AKAP6: variants seen among roughly 807,000 people sequenced by gnomAD.
AKAP6 encodes A-kinase anchoring protein 6, also known as A-kinase anchor protein 6.
A neutral mutation model predicts 188.5 loss-of-function variants in AKAP6; 58 were observed. The observed-to-expected ratio is 0.31, with a 90% CI of 0.25 to 0.38. The LOEUF (loss-of-function observed/expected upper bound fraction) is 0.38, where lower values mean the gene tolerates loss of function less well. Among genes scored for constraint, AKAP6 ranks in the 10% least tolerant of loss-of-function variants. The pLI, the probability that AKAP6 is intolerant of heterozygous loss-of-function variation, is 1.00. For synonymous variants in AKAP6, 989 were observed against 998.6 expected (o/e 0.99, Z 0.18); for missense variants, 2,710 against 2,740.0 (o/e 0.99, Z 0.24).
intron 2 of AKAP6, among the ~76,000 whole-genome samples, chr14:32,472,189 A>G (rs1878818062): frequency 2.0e-5 from 3 of 152,042 alleles, no homozygotes; most frequent in South Asian, 2.1e-4. Context: ...TCCTACCCAG[A>G]ACTCTAAAGT....
At chr14:32,368,856 A>G (rs1887917308) in intron 1 of AKAP6, among the ~76,000 whole-genome samples, 1 of 150,774 alleles carries the variant, frequency 6.6e-6, no homozygotes, top group Non-Finnish European at 1.5e-5. Flanking sequence ...TGAAACTTAT[A>G]GTTTAGTGGA....
At chr14:32,512,968 T>C (rs893064773) in intron 2 of AKAP6, among the ~76,000 whole-genome samples, 1 of 152,200 alleles carries the variant, frequency 6.6e-6, no homozygotes, top group Non-Finnish European at 1.5e-5. Context: ...CTAAGGAATT[T>C]TGAAGGACTG....
chr14:32,821,616 A>G lies in AKAP6; in HGVS notation c.3803A>G (p.His1268Arg), dbSNP rs767357103. Reference protein sequence around the residue: ...DPGYDEEADNHGGSQYASNIT... With the variant: ...DPGYDEEADNRGGSQYASNIT... Reference sequence around the variant, plus strand: ...GGTTATGACGAGGAGGCTGATAACCATGGGGGATCTCAGTATGCCTCAAAT... The same window carrying G: ...GGTTATGACGAGGAGGCTGATAACCGTGGGGGATCTCAGTATGCCTCAAAT... Residue 1268 changes from histidine to arginine, a missense_variant, in exon 13 of 14, where the codon CAT (histidine) becomes CGT (arginine). Physicochemically the swap from His to Arg is conservative, Grantham distance 29. Around this residue, in one of 2 missense-constraint regions of AKAP6, gnomAD observed 2,473 missense variants for 2,426.1 expected, o/e 1.02. Coordinates refer to ENST00000280979, the MANE Select transcript of AKAP6 (RefSeq NM_004274.5). The G allele has an allele frequency of 2.5e-6, 4 of 1,613,808 alleles. 1 individual carries two copies. The South Asian group carries it at 3.3e-5, about 13-fold the overall frequency.
chr14:32,660,173 G>A (rs948821287), intron 7 of AKAP6, among the ~76,000 whole-genome samples: 1 of 152,130 alleles, frequency 6.6e-6, no homozygotes, highest in Admixed American at 6.6e-5. Context: ...CATATTTCAT[G>A]TCACACCGGT....
rs983452601 is a variant in AKAP6 at position 32,545,328 on chromosome 14, C to T, written c.675C>T (p.Phe225=). 30 of 1,613,992 alleles carry T rather than the reference C, an allele frequency of 1.9e-5. No individual in the cohort carries two copies. Among genetic ancestry groups the T allele is most frequent in the East Asian group, 2.2e-5 (1 of 44,890 alleles). ...YLSLDCGITA[F]ELSDYSPSED... ...CTCTGGATTGTGGCATTACTGCATT[C>T]GAACTGTCTGACTACAGTCCAAGTG... Residue 225 remains phenylalanine (F), a synonymous_variant, in exon 4 of 14, where the codon TTC becomes TTT. Transcript: ENST00000280979.
At chr14:32,558,217 A>G (rs759016466) in intron 4 of AKAP6, among the ~76,000 whole-genome samples, 1 of 152,212 alleles carries the variant, frequency 6.6e-6, no homozygotes, top group Admixed American at 6.5e-5. Flanking sequence ...TAATTATTAA[A>G]CAAAAAGTAT....
intron 1 of AKAP6, among the ~76,000 whole-genome samples, chr14:32,414,567 A>G (rs1299357766): frequency 2.0e-5 from 3 of 152,180 alleles, no homozygotes; most frequent in Non-Finnish European, 2.9e-5. Flanking sequence ...AGCTCACCTT[A>G]TGAAATTTTA....
intron 11 of AKAP6, among the ~76,000 whole-genome samples, chr14:32,744,295 CT>C (rs112824428): frequency 2.7e-5 from 4 of 150,900 alleles, no homozygotes; most frequent in East Asian, 1.9e-4. Flanking sequence ...ATATTCTGTT[CT>C]TTTTTTTTAA....
rs371114681 is a variant in AKAP6 at position 32,628,672 on chromosome 14, A to G, written c.2730+27880A>G. Among the ~76,000 whole-genome samples the G allele has an allele frequency of 9.2e-5, 14 of 152,152 alleles. No homozygotes were observed. In the East Asian group the frequency reaches 2.3e-3, roughly 25 times the overall value. ...TGCCAGGCCTTTAAACATAATATAT[A>G]TCTCCTTTCCTCCCTTTTTCTCTTC... On this transcript the variant is annotated intron_variant, in intron 7 of 13. Transcript: ENST00000280979.
intron 3 of AKAP6, among the ~76,000 whole-genome samples, chr14:32,542,100 A>G (rs1348295632): frequency 6.6e-6 from 1 of 152,162 alleles, no homozygotes; most frequent in Non-Finnish European, 1.5e-5. Context: ...TAAGCCTCTC[A>G]ACACCCCTAT....
Position 32,822,731 on chromosome 14 carries a change from G to A in AKAP6, c.4918G>A (p.Glu1640Lys), listed in dbSNP as rs2034562868. 2 of 1,613,918 alleles carry A rather than the reference G, an allele frequency of 1.2e-6. No homozygotes were observed. The highest frequency in any genetic ancestry group is 1.7e-6 in the Non-Finnish European group (2 of 1,179,918). The change falls in exon 13 of 14, where the codon GAG (glutamate) becomes AAG (lysine). Residue 1640 changes from glutamate (E) to lysine (K), a missense_variant. Glu to Lys is a moderately conservative substitution (Grantham distance 56). Transcript: ENST00000280979. ...AACATTAGATCTCCTGAATCGTTTG[G>A]AGAATATCCAGAGCCCCTCAGAGCA... ...KRTLDLLNRLENIQSPSEQKI... is the reference protein window; with the variant it reads ...KRTLDLLNRLKNIQSPSEQKI...
intron 2 of AKAP6, among the ~76,000 whole-genome samples, chr14:32,445,655 G>A (rs1239295436): frequency 1.3e-5 from 2 of 152,092 alleles, no homozygotes; most frequent in Non-Finnish European, 2.9e-5. Context: ...AGGATTACAG[G>A]CGTGAGCCAC....
chr14:32,753,849 G>A (rs987092061), intron 11 of AKAP6, among the ~76,000 whole-genome samples: 4 of 151,860 alleles, frequency 2.6e-5, no homozygotes, highest in African/African-American at 9.7e-5. Flanking sequence ...GATTTATTTT[G>A]GGGCTCTCTC....
intron 7 of AKAP6, among the ~76,000 whole-genome samples, chr14:32,610,208 T>C (rs1451748636): frequency 1.3e-5 from 2 of 152,160 alleles, no homozygotes; most frequent in Non-Finnish European, 2.9e-5. Context: ...TAGATAATCA[T>C]TGAGAGAGTC....
At chr14:32,694,956 A>T (rs907854446) in intron 8 of AKAP6, among the ~76,000 whole-genome samples, 1 of 152,182 alleles carries the variant, frequency 6.6e-6, no homozygotes, top group Middle Eastern at 3.4e-3. Context: ...AGACTGTAGG[A>T]TTTCTTTTAG....
chr14:32,386,104 TC>T (rs1199102741), intron 1 of AKAP6, among the ~76,000 whole-genome samples: 1 of 151,852 alleles, frequency 6.6e-6, no homozygotes, highest in African/African-American at 2.4e-5. Context: ...AGACTTCTTT[TC>T]CTCTGGGTAG....
chr14:32,505,541 A>G (rs1880827893), intron 2 of AKAP6, among the ~76,000 whole-genome samples: 1 of 152,200 alleles, frequency 6.6e-6, no homozygotes, highest in Admixed American at 6.5e-5. Flanking sequence ...AGACAGAAAT[A>G]AGAACAATGC....
In AKAP6 at chr14:32,546,691, A is replaced by G; in HGVS notation, c.2038A>G (p.Ile680Val). ...ELSEMNSDSE[I>V]YPTYHVKKKH... ...GTCTGAAATGAATTCAGATTCTGAA[A>G]TCTATCCAACCTATCATGTCAAAAA... The change falls in exon 4 of 14, where the codon ATC (isoleucine) becomes GTC (valine). Residue 680 changes from isoleucine (I) to valine (V), a missense_variant. Transcript: ENST00000280979. 1.9e-6 allele frequency: 3 copies of G among 1,614,162 alleles called. No individual in the cohort carries two copies. In the Middle Eastern group the frequency reaches 4.9e-4, roughly 266 times the overall value.
chr14:32,535,077 G>C (rs188054573), intron 2 of AKAP6, among the ~76,000 whole-genome samples: 1 of 151,234 alleles, frequency 6.6e-6, no homozygotes, highest in Admixed American at 6.6e-5. Flanking sequence ...ATACCCCGTA[G>C]TTCATTGAGA....
Sources: allele counts gnomAD v4.1 joint callset (sites outside exome capture counted in the v4.1 genomes callset), GRCh38; gene constraint gnomAD v4.1.1; regional missense constraint gnomAD v4.1.1; transcripts MANE v1.5; gene names NCBI Gene and HGNC (gene_info 2026-07-23, HGNC 2026-07-21).